FBXL17: variants seen among roughly 807,000 people sequenced by gnomAD.
FBXL17 encodes F-box/LRR-repeat protein 17.
Under a neutral mutation model 66.2 loss-of-function variants are expected in FBXL17, and 22 were observed. That is an observed-to-expected ratio of 0.33 (90% confidence interval 0.24 to 0.47). The LOEUF is 0.47. Ranked by LOEUF, FBXL17 falls within the 20% of genes least tolerant of loss-of-function variation. The pLI, the probability that FBXL17 is intolerant of heterozygous loss-of-function variation, is 1.00. For synonymous variants in FBXL17, 474 were observed against 400.5 expected (o/e 1.18, Z -2.19); for missense variants, 878 against 948.2 (o/e 0.93, Z 0.97).
At chr5:108,087,264 A>T (rs1749009793) in intron 6 of FBXL17, among the ~76,000 whole-genome samples, 1 of 152,320 alleles carries the variant, frequency 6.6e-6, no homozygotes, top group Non-Finnish European at 1.5e-5. Flanking sequence ...ATTCAACTCA[A>T]TTACTTGGAA....
intron 3 of FBXL17, among the ~76,000 whole-genome samples, chr5:108,359,140 C>T (rs1020247263): frequency 1.3e-5 from 2 of 152,064 alleles, no homozygotes; most frequent in African/African-American, 4.8e-5. Flanking sequence ...TTTTTAATTT[C>T]TATAAAGTCA....
chr5:107,934,016 T>G (rs1210786049), intron 7 of FBXL17, among the ~76,000 whole-genome samples: 1 of 152,152 alleles, frequency 6.6e-6, no homozygotes, highest in Non-Finnish European at 1.5e-5. Flanking sequence ...TAACATGGAC[T>G]CAGGAGCCTT....
At chr5:107,989,208 T>C (rs1398654656) in intron 7 of FBXL17, among the ~76,000 whole-genome samples, 1 of 152,112 alleles carries the variant, frequency 6.6e-6, no homozygotes, top group African/African-American at 2.4e-5. Context: ...ATAGTTGTCC[T>C]ACTATGCTAT....
intron 7 of FBXL17, among the ~76,000 whole-genome samples, chr5:107,899,913 T>C (rs753753386): frequency 3.9e-5 from 6 of 152,172 alleles, no homozygotes; most frequent in Non-Finnish European, 7.4e-5. Flanking sequence ...AGCACATGCA[T>C]TTTAAGAAAT....
chr5:108,248,204 T>C (rs1338095548), intron 4 of FBXL17, among the ~76,000 whole-genome samples: 1 of 152,100 alleles, frequency 6.6e-6, no homozygotes, highest in Non-Finnish European at 1.5e-5. Flanking sequence ...GCTTTAACAA[T>C]TATAGACATA....
chr5:108,190,777 A>C (rs920790707), intron 5 of FBXL17, among the ~76,000 whole-genome samples: 1 of 152,128 alleles, frequency 6.6e-6, no homozygotes, highest in Non-Finnish European at 1.5e-5. Context: ...TCTATTTTCT[A>C]CCTAAAAATC....
At chr5:108,126,925 T>C (rs1750739942) in intron 6 of FBXL17, among the ~76,000 whole-genome samples, 1 of 151,708 alleles carries the variant, frequency 6.6e-6, no homozygotes, top group Non-Finnish European at 1.5e-5. Context: ...AAAGAAAAAA[T>C]CTCAGTACTC....
intron 5 of FBXL17, among the ~76,000 whole-genome samples, chr5:108,192,966 C>G (rs562717783): frequency 6.6e-6 from 1 of 152,298 alleles, no homozygotes; most frequent in Non-Finnish European, 1.5e-5. Context: ...CATGGATGTT[C>G]TATCACTTCA....
At chr5:108,150,335 C>G (rs1481415177) in intron 6 of FBXL17, among the ~76,000 whole-genome samples, 6 of 152,170 alleles carry the variant, frequency 3.9e-5, no homozygotes, top group African/African-American at 1.4e-4. Flanking sequence ...ACCCCAGTAG[C>G]TAGGACCACA....
At chr5:107,910,543 AT>A (rs1749916166) in intron 7 of FBXL17, among the ~76,000 whole-genome samples, 1 of 152,160 alleles carries the variant, frequency 6.6e-6, no homozygotes, top group African/African-American at 2.4e-5. Flanking sequence ...TACCCAGTAT[AT>A]TCATGGTCCT....
At chr5:108,150,785 G>A (rs1000953444) in intron 6 of FBXL17, among the ~76,000 whole-genome samples, 1 of 152,124 alleles carries the variant, frequency 6.6e-6, no homozygotes. Flanking sequence ...ACATAATAAC[G>A]ATTTTCCGCA....
chr5:108,282,195 C>A (rs545914015), intron 4 of FBXL17, among the ~76,000 whole-genome samples: 1 of 151,784 alleles, frequency 6.6e-6, no homozygotes, highest in African/African-American at 2.4e-5. Flanking sequence ...CATCCTGATA[C>A]CAAAAATGAA....
At chr5:108,008,906 C>A (rs1015028880) in intron 7 of FBXL17, among the ~76,000 whole-genome samples, 10 of 151,794 alleles carry the variant, frequency 6.6e-5, no homozygotes, top group African/African-American at 2.2e-4. Context: ...ACAGAAGAAT[C>A]CTTTATGAGC....
At chr5:108,130,778 T>C (rs1169591526) in intron 6 of FBXL17, among the ~76,000 whole-genome samples, 1 of 152,076 alleles carries the variant, frequency 6.6e-6, no homozygotes, top group East Asian at 1.9e-4. Context: ...CACAACCACA[T>C]TAGCCAGGTG....
At chr5:108,378,220 C>CGT (rs1233128366) in intron 1 of FBXL17, among the ~76,000 whole-genome samples, 1 of 148,718 alleles carries the variant, frequency 6.7e-6, no homozygotes. Flanking sequence ...TCTCCTCTGC[C>CGT]ATAAAAAAAA....
chr5:108,381,417 G>T lies in FBXL17; in HGVS notation c.275C>A (p.Ala92Asp). The change falls in exon 1 of 9, where the codon GCT becomes GAT. Residue 92 changes from alanine to aspartate, a missense_variant. Ala to Asp is a moderately radical substitution (Grantham distance 126). Coordinates refer to ENST00000542267, the MANE Select transcript of FBXL17 (RefSeq NM_001163315.3). ...CAGGTGCTGAGAGGAGGAGGCGGCA[G>T]CGTAGGCCCCGTCCCGCGGCGGCGG... is the stretch of plus-strand genomic sequence containing the variant. ...LSPPPRDGAY[A>D]AASSSQHLAR... The T allele has an allele frequency of 7.6e-7, 1 of 1,322,630 alleles. No homozygotes were observed. The highest frequency in any genetic ancestry group is 1.5e-5 in the African/African-American group (1 of 64,808). The allele number at this position is 1,322,630 out of a possible 1,614,324, so 81.9% of individuals were successfully genotyped here.
At chr5:107,926,530 G>A (rs1750530493) in intron 7 of FBXL17, among the ~76,000 whole-genome samples, 2 of 151,354 alleles carry the variant, frequency 1.3e-5, no homozygotes, top group Non-Finnish European at 2.9e-5. Flanking sequence ...CTTGTGTATG[G>A]TGAGAATATT....
chr5:107,892,949 T>C (rs1749886785), intron 7 of FBXL17, among the ~76,000 whole-genome samples: 1 of 152,218 alleles, frequency 6.6e-6, no homozygotes. Context: ...ATTTTCTATA[T>C]TCTGTTTTCG....
intron 6 of FBXL17, among the ~76,000 whole-genome samples, chr5:108,021,370 G>A (rs1199329021): frequency 6.7e-6 from 1 of 150,030 alleles, no homozygotes; most frequent in African/African-American, 2.4e-5. Flanking sequence ...ATTATAGGTA[G>A]ATGGTTATAT....
Sources: gnomAD v4.1 joint callset for allele counts (sites outside exome capture counted in the v4.1 genomes callset) on GRCh38, gnomAD v4.1.1 for gene constraint, MANE v1.5 for transcripts, NCBI Gene and HGNC (gene_info 2026-07-23, HGNC 2026-07-21) for gene names.